Variants in COL17A1 observed in about 807,000 individuals in gnomAD.
COL17A1 encodes the protein collagen alpha-1(XVII) chain.
COL17A1 carries 181 observed loss-of-function variants against 218.4 expected under a neutral mutation model. That is an observed-to-expected ratio of 0.83 (90% confidence interval 0.73 to 0.94). The LOEUF (loss-of-function observed/expected upper bound fraction) is 0.94. Among genes scored for constraint, COL17A1 ranks in the 40% least tolerant of loss-of-function variants. The pLI is 0.00. For missense variants in COL17A1, 1,924 were observed against 1,945.9 expected, an observed-to-expected ratio of 0.99 and a Z score of 0.21; for synonymous variants, 721 against 731.0, an observed-to-expected ratio of 0.99 and a Z score of 0.22.
At chr10:104,039,553 C>G in intron 42 of COL17A1, 34 bp from the exon 43 acceptor site, 1 of 1,614,136 alleles carries the variant, frequency 6.2e-7, no homozygotes, top group Admixed American at 1.7e-5. Flanking sequence ...TGCAGTCAGC[C>G]AGGGTTTGGA....
At chr10:104,039,405 C>T in intron 43 of COL17A1, 40 bp downstream of exon 43, 1 of 1,603,246 alleles carries the variant, frequency 6.2e-7, no homozygotes, top group South Asian at 1.1e-5. Context: ...ACCAGGCTCA[C>T]CCCTACTCCT....
intron 30 of COL17A1, 65 bp downstream of exon 30, chr10:104,048,004 G>T: frequency 6.3e-7 from 1 of 1,588,558 alleles, no homozygotes; most frequent in Non-Finnish European, 8.6e-7. Context: ...AGGGGACTGA[G>T]GGCTGCATGC....
At chr10:104,056,406 C>T (rs904114125) in intron 17 of COL17A1, among the ~76,000 whole-genome samples, 8 of 152,026 alleles carry the variant, frequency 5.3e-5, no homozygotes, top group Admixed American at 6.5e-5. Flanking sequence ...CACAGTGAAA[C>T]CCCATCTCTA....
chr10:104,038,871 A>G (rs955035054), intron 44 of COL17A1, among the ~76,000 whole-genome samples, 200 bp downstream of exon 44: 3 of 152,134 alleles, frequency 2.0e-5, no homozygotes, highest in Non-Finnish European at 4.4e-5. Context: ...GTATCATTAT[A>G]TGTACCTGGG....
At chr10:104,033,499 G>A (rs1844719198) in intron 52 of COL17A1, 124 bp from the exon 53 acceptor site, 1 of 1,176,864 alleles carries the variant, frequency 8.5e-7, no homozygotes, top group Non-Finnish European at 1.2e-6. Context: ...CCGCAGCAAG[G>A]GTGAAGCCCT....
Position 104,063,650 on chromosome 10 carries a change from T to C in COL17A1, c.838+97A>G, listed in dbSNP as rs757440358. The C allele has an allele frequency of 2.6e-6, 4 of 1,547,486 alleles. No individual in the cohort carries two copies. In the Admixed American group the frequency reaches 7.4e-5, roughly 28 times the overall value. ...CTGTGCCTCTGCTTCTGAGCTGCAG[T>C]ATGCATGGAAGAAAGGCCTTCATGC... On this transcript the variant is annotated intron_variant, in intron 11 of 55. Transcript: ENST00000648076.
Position 104,038,159 on chromosome 10 carries a change from G to T in COL17A1, c.3070+247C>A, listed in dbSNP as rs183075852. Among the ~76,000 whole-genome samples, 10 of 152,248 alleles carry T rather than the reference G, an allele frequency of 6.6e-5. No homozygotes were observed. In the East Asian group the frequency reaches 1.9e-3, roughly 29 times the overall value. On this transcript the variant is annotated intron_variant, in intron 45 of 55. Coordinates refer to ENST00000648076, the MANE Select transcript of COL17A1 (RefSeq NM_000494.4). ...CGGGGGCAGCTATGAGAAGGCTGGT[G>T]TTGGGGAGCTCATAGGCCTGTAGGC...
chr10:104,064,324 AAAG>A, intron 10 of COL17A1, 111 bp downstream of exon 10: 1 of 1,547,148 alleles, frequency 6.5e-7, no homozygotes, highest in Non-Finnish European at 8.8e-7. Flanking sequence ...TTGGCCACAG[AAAG>A]CCTCTCCAGG....
rs1373001463 is a variant in COL17A1, at chr10:104,076,320, A to G, written c.312T>C (p.Val104=). The G allele has an allele frequency of 8.7e-6, 14 of 1,614,042 alleles. No individual in the cohort carries two copies. Among genetic ancestry groups the G allele is most frequent in the Non-Finnish European group, 1.2e-5 (14 of 1,180,018 alleles). Residue 104 remains valine (V), a synonymous_variant, in exon 5 of 56, where the codon GTT becomes GTC. Transcript: ENST00000648076. ...PGSTFERKTH[V]TRHAYEGSSS... ...TGATACCTTCATACGCATGGCGGGT[A>G]ACGTGAGTTTTCCTTTCAAAGGTTG...
intron 32 of COL17A1, 37 bp downstream of exon 32, chr10:104,046,710 G>T (rs1438615094): frequency 1.2e-6 from 2 of 1,611,030 alleles, no homozygotes; most frequent in East Asian, 2.2e-5. Flanking sequence ...CCAGGAGAAG[G>T]TGGGAGACAG....
At position 104,076,288 on chromosome 10, in the gene COL17A1, G is replaced by T. The variant is rs768544322; in HGVS notation, c.331+13C>A. On this transcript the variant is annotated intron_variant, in intron 5 of 55. Transcript: ENST00000648076. ...AGAGAATGGTTCTCTTGTATGGTTA[G>T]TGGGACTGATACCTTCATACGCATG... 6.2e-7 allele frequency: 1 copy of T among 1,613,978 alleles called. No individual in the cohort carries two copies. Among genetic ancestry groups the T allele is most frequent in the East Asian group, 2.2e-5 (1 of 44,868 alleles).
At chr10:104,067,403 G>C (rs190615352) in intron 9 of COL17A1, among the ~76,000 whole-genome samples, 24 of 149,784 alleles carry the variant, frequency 1.6e-4, no homozygotes, top group African/African-American at 5.9e-4. Context: ...GCCTTTTAAA[G>C]GTTAATTTTA....
Position 104,048,325 on chromosome 10 carries a change from GC to G in COL17A1, c.2228-222del, listed in dbSNP as rs143253481. ...CTTTTCCTGTTGAGAATTGTTCAGTGCCTTCCCATTGCATCTCAAGCGCCTC... is the reference window on the plus strand; with the variant it reads ...CTTTTCCTGTTGAGAATTGTTCAGTGCTTCCCATTGCATCTCAAGCGCCTC... On this transcript the variant is annotated intron_variant, in intron 29 of 55. Coordinates refer to ENST00000648076, the MANE Select transcript of COL17A1 (RefSeq NM_000494.4). The G allele has an allele frequency of 3.1e-3, 2,178 of 700,812 alleles. 36 individuals carry two copies. In the African/African-American group the frequency reaches 0.033, roughly 11 times the overall value. 43.4% of individuals were successfully genotyped at this position (700,812 alleles called of 1,614,324 possible).
At chr10:104,060,489 C>T (rs753081615) in intron 13 of COL17A1, among the ~76,000 whole-genome samples, 11 of 152,118 alleles carry the variant, frequency 7.2e-5, no homozygotes, top group Non-Finnish European at 1.6e-4. Flanking sequence ...TGGGCCTGGC[C>T]ACCAAGAGTT....
At chr10:104,072,976 G>A (rs796329714) in intron 7 of COL17A1, among the ~76,000 whole-genome samples, 4 of 152,260 alleles carry the variant, frequency 2.6e-5, no homozygotes, top group African/African-American at 9.6e-5. Context: ...TTGTTATCAT[G>A]TGTTTTGCTT....
intron 1 of COL17A1, among the ~76,000 whole-genome samples, chr10:104,084,071 C>A (rs979428763): frequency 6.6e-6 from 1 of 152,136 alleles, no homozygotes. Context: ...CTGTAACACC[C>A]CAGAGATGGG....
chr10:104,042,832 T>A (rs185707730), intron 35 of COL17A1, among the ~76,000 whole-genome samples: 86 of 152,328 alleles, frequency 5.6e-4, no homozygotes, highest in African/African-American at 2.0e-3. Context: ...AAAACACATA[T>A]AACAAAATAA....
rs1430002943 is a variant in COL17A1 at position 104,034,634 on chromosome 10, G to C, written c.3753C>G (p.Ile1251Met). Residue 1251 changes from isoleucine (I) to methionine (M), a missense_variant, in exon 51 of 56, where the codon ATC (isoleucine) becomes ATG (methionine). Coordinates refer to ENST00000648076, the MANE Select transcript of COL17A1 (RefSeq NM_000494.4). ...ENSDSFRSEL[I>M]SYLTSPDVRS... Reference sequence around the variant, plus strand: ...CGGGGCACCTACTTGTGAGGTAGCTGATCAGCTCGCTCCGGAAGCTGTCGC... The same window carrying C: ...CGGGGCACCTACTTGTGAGGTAGCTCATCAGCTCGCTCCGGAAGCTGTCGC... 6.2e-7 allele frequency: 1 copy of C among 1,610,302 alleles called. No individual in the cohort carries two copies.
intron 46 of COL17A1, 41 bp from the exon 47 acceptor site, chr10:104,037,154 C>T (rs1286433646): frequency 6.5e-7 from 1 of 1,533,918 alleles, no homozygotes; most frequent in Admixed American, 1.9e-5. Flanking sequence ...TTAGCAGGTA[C>T]TGAAGCAACA....
Sources: allele counts gnomAD v4.1 joint callset (sites outside exome capture counted in the v4.1 genomes callset), GRCh38; gene constraint gnomAD v4.1.1; transcripts MANE v1.5; gene names NCBI Gene and HGNC (gene_info 2026-07-23, HGNC 2026-07-21).